The following CORIN variants were observed in gnomAD, a reference collection of about 807,000 sequenced individuals.
CORIN encodes the protein corin, serine peptidase.
Under a neutral mutation model 125.3 loss-of-function variants are expected in CORIN, and 117 were observed. The ratio of observed to expected loss-of-function variants is 0.93; its 90% CI spans 0.80 to 1.09. CORIN has a LOEUF of 1.09. CORIN is among the 50% of genes least tolerant of loss of function. CORIN has a pLI of 0.00. For missense variants in CORIN, 1,253 were observed against 1,306.7 expected, an observed-to-expected ratio of 0.96 and a Z score of 0.63; for synonymous variants, 450 against 466.4, an observed-to-expected ratio of 0.96 and a Z score of 0.45.
At position 47,772,919 on chromosome 4, in the gene CORIN, T is replaced by G. The variant is rs188753204; in HGVS notation, c.410-9333A>C. On this transcript the variant is annotated intron_variant, in intron 3 of 21. Coordinates refer to ENST00000273857, the MANE Select transcript of CORIN (RefSeq NM_006587.4). ...TCTTCTGGATTCTATAATGTATCCA[T>G]TTATAAAGGGAATAATTATTCATTT... 2.6e-5 allele frequency among the ~76,000 whole-genome samples: 4 copies of G among 152,280 alleles called. No homozygotes were observed. In the East Asian group the frequency reaches 7.7e-4, roughly 29 times the overall value.
intron 16 of CORIN, among the ~76,000 whole-genome samples, chr4:47,631,398 C>T (rs1485684208): frequency 1.3e-5 from 2 of 152,018 alleles, no homozygotes; most frequent in Non-Finnish European, 2.9e-5. Flanking sequence ...CTTAGATTCT[C>T]CCAGGAGTGT....
Position 47,642,064 on chromosome 4 carries a change from G to A in CORIN, c.2069-15C>T. 2 of 1,610,334 alleles carry A rather than the reference G, an allele frequency of 1.2e-6. No individual in the cohort carries two copies. Among genetic ancestry groups the A allele is most frequent in the Non-Finnish European group, 1.7e-6 (2 of 1,178,474 alleles). On this transcript the variant is annotated splice_polypyrimidine_tract_variant and intron_variant, in intron 15 of 21. Transcript: ENST00000273857. ...AGAGAGGGTCACTAGGGAAAGAAAA[G>A]ACAAGGGAAACCCTAATTAAAAACA...
chr4:47,701,017 A>G (rs2109758091), intron 5 of CORIN, among the ~76,000 whole-genome samples: 1 of 152,334 alleles, frequency 6.6e-6, no homozygotes, highest in African/African-American at 2.4e-5. Flanking sequence ...AAAGGTCTCC[A>G]TTAGTACCTT....
At chr4:47,639,043 C>T (rs1723136491) in intron 16 of CORIN, among the ~76,000 whole-genome samples, 1 of 152,130 alleles carries the variant, frequency 6.6e-6, no homozygotes, top group Non-Finnish European at 1.5e-5. Context: ...ATCCCTGCAA[C>T]CCATGAAATT....
At chr4:47,753,634 A>G (rs7675724) in intron 4 of CORIN, among the ~76,000 whole-genome samples, 8,317 of 152,166 alleles carry the variant, frequency 0.055, 718 homozygotes, top group African/African-American at 0.19. Context: ...CTACTTGCAC[A>G]TCCGTTTATA....
chr4:47,674,339 A>T, intron 10 of CORIN, 54 bp downstream of exon 10: 1 of 1,210,416 alleles, frequency 8.3e-7, no homozygotes, highest in South Asian at 1.2e-5. Context: ...CAGAAGAAAA[A>T]TGCTGAATGC....
intron 1 of CORIN, among the ~76,000 whole-genome samples, chr4:47,829,211 G>T (rs936343271): frequency 1.0e-4 from 13 of 130,036 alleles, no homozygotes; most frequent in African/African-American, 3.1e-4. Flanking sequence ...TAATTTTTAT[G>T]TTGATTACAT....
intron 1 of CORIN, among the ~76,000 whole-genome samples, chr4:47,820,894 T>C (rs1732480834): frequency 6.6e-6 from 1 of 152,284 alleles, no homozygotes; most frequent in East Asian, 1.9e-4. Context: ...TTTTTATGAT[T>C]AAAAAATGCT....
intron 4 of CORIN, among the ~76,000 whole-genome samples, chr4:47,751,751 C>T (rs1047507714): frequency 2.0e-5 from 3 of 152,142 alleles, no homozygotes; most frequent in African/African-American, 7.2e-5. Context: ...CTCTATTACG[C>T]TAAGTCCCTT....
At chr4:47,683,399 C>G (rs969310604) in intron 7 of CORIN, 1 of 195,906 alleles carries the variant, frequency 5.1e-6, no homozygotes, top group African/African-American at 2.4e-5. Context: ...CTCAAAAGCC[C>G]AAATCTAACG....
In CORIN at chr4:47,595,914, T is replaced by C; in HGVS notation, c.2947-11A>G. 1 of 1,603,178 alleles carries C rather than the reference T, an allele frequency of 6.2e-7. No homozygotes were observed. The highest frequency in any genetic ancestry group is 1.7e-4 in the Middle Eastern group (1 of 5,952). ...CCCACCGCTGTCACCCTGCAATAAG[T>C]AACGATGGGAGTTAGGAACTGGCAT... On this transcript the variant is annotated splice_polypyrimidine_tract_variant and intron_variant, in intron 21 of 21. Transcript: ENST00000273857.
At chr4:47,721,198 G>A (rs980545497) in intron 5 of CORIN, among the ~76,000 whole-genome samples, 5 of 151,964 alleles carry the variant, frequency 3.3e-5, no homozygotes, top group Admixed American at 1.3e-4. Flanking sequence ...ACACAAGAGC[G>A]CTCTATCTCT....
chr4:47,693,355 A>G (rs903106162), intron 5 of CORIN, among the ~76,000 whole-genome samples: 2 of 152,236 alleles, frequency 1.3e-5, no homozygotes, highest in Non-Finnish European at 2.9e-5. Flanking sequence ...ATGTTCAGAG[A>G]GCAAGAGGGT....
At chr4:47,780,348 T>C (rs976395851) in intron 3 of CORIN, among the ~76,000 whole-genome samples, 1 of 152,058 alleles carries the variant, frequency 6.6e-6, no homozygotes, top group Non-Finnish European at 1.5e-5. Flanking sequence ...TGAAGGAATT[T>C]ATGCAAAAAT....
At chr4:47,815,953 A>G (rs1732247184) in intron 1 of CORIN, among the ~76,000 whole-genome samples, 1 of 152,218 alleles carries the variant, frequency 6.6e-6, no homozygotes, top group Non-Finnish European at 1.5e-5. Flanking sequence ...TGCAAATCTT[A>G]GAAACTTAAT....
chr4:47,618,164 G>A (rs763850503), intron 19 of CORIN, among the ~76,000 whole-genome samples: 5 of 151,686 alleles, frequency 3.3e-5, no homozygotes, highest in African/African-American at 4.8e-5. Flanking sequence ...GTGAAATCCC[G>A]TCTCTACTAA....
At chr4:47,781,629 G>A (rs939901230) in intron 3 of CORIN, among the ~76,000 whole-genome samples, 4 of 152,206 alleles carry the variant, frequency 2.6e-5, no homozygotes, top group Non-Finnish European at 5.9e-5. Flanking sequence ...ATAATAAGTT[G>A]AGGAGAATCA....
In CORIN at chr4:47,768,218, C is replaced by T. The variant is rs375508556; in HGVS notation, c.410-4632G>A. Among the ~76,000 whole-genome samples, 24 of 152,268 alleles carry T rather than the reference C, an allele frequency of 1.6e-4. 1 individual carries two copies. Among genetic ancestry groups the T allele is most frequent in the East Asian group, 1.4e-3 (7 of 5,180 alleles). Reference sequence around the variant, plus strand: ...ACGGCCCCACCCCTGTCTCCCTTCGCTAACTCTCTTTTCGGACTCAGCCCG... The same window carrying T: ...ACGGCCCCACCCCTGTCTCCCTTCGTTAACTCTCTTTTCGGACTCAGCCCG... On this transcript the variant is annotated intron_variant, in intron 3 of 21. Transcript: ENST00000273857.
chr4:47,692,877 G>C (rs1349088892), intron 6 of CORIN, 93 bp downstream of exon 6: 1 of 936,878 alleles, frequency 1.1e-6, no homozygotes, highest in Non-Finnish European at 1.7e-6. Flanking sequence ...CTTTAGAAAG[G>C]CAAACAAAAA....
Sources: allele counts gnomAD v4.1 joint callset (sites outside exome capture counted in the v4.1 genomes callset), GRCh38; gene constraint gnomAD v4.1.1; transcripts MANE v1.5; gene names NCBI Gene and HGNC (gene_info 2026-07-23, HGNC 2026-07-21).